The following GRIN2B variants were observed in gnomAD, a reference collection of about 807,000 sequenced individuals.
The protein encoded by GRIN2B is glutamate ionotropic receptor NMDA type subunit 2B, also known as glutamate receptor ionotropic, NMDA 2B.
Under a neutral mutation model 114.5 loss-of-function variants are expected in GRIN2B, and 5 were observed. That is an observed-to-expected ratio of 0.04 (90% confidence interval 0.02 to 0.09). GRIN2B has a LOEUF of 0.09. GRIN2B is among the 10% of genes least tolerant of loss of function. GRIN2B has a pLI of 1.00. For synonymous variants in GRIN2B, 787 were observed against 745.1 expected (o/e 1.06, Z -0.92); for missense variants, 1,108 against 1,943.5 (o/e 0.57, Z 8.08).
intron 4 of GRIN2B, among the ~76,000 whole-genome samples, chr12:13,746,654 C>A (rs1234416860): frequency 6.6e-6 from 1 of 152,170 alleles, no homozygotes; most frequent in African/African-American, 2.4e-5. Context: ...TTTGTCCCCC[C>A]CAAATCCCAT....
At chr12:13,946,183 T>C (rs1223641421) in intron 2 of GRIN2B, among the ~76,000 whole-genome samples, 1 of 152,144 alleles carries the variant, frequency 6.6e-6, no homozygotes, top group Non-Finnish European at 1.5e-5. Context: ...ACTAAAAGGA[T>C]TCTTAAAAAT....
At chr12:13,573,920 C>A (rs1948739709) in intron 10 of GRIN2B, among the ~76,000 whole-genome samples, 1 of 152,192 alleles carries the variant, frequency 6.6e-6, no homozygotes, top group Non-Finnish European at 1.5e-5. Context: ...CTACTACTTC[C>A]TGACTGAGAA....
chr12:13,746,217 T>C (rs1045059984), intron 4 of GRIN2B, among the ~76,000 whole-genome samples: 1 of 152,118 alleles, frequency 6.6e-6, no homozygotes, highest in Non-Finnish European at 1.5e-5. Context: ...ATTAGGTAAC[T>C]GCACAGCGCT....
At chr12:13,632,746 G>A (rs947427796) in intron 5 of GRIN2B, among the ~76,000 whole-genome samples, 1 of 152,198 alleles carries the variant, frequency 6.6e-6, no homozygotes, top group Non-Finnish European at 1.5e-5. Context: ...TCCACGGGGA[G>A]GGAGGGTGTG....
At chr12:13,899,150 G>A (rs1357994713) in intron 2 of GRIN2B, among the ~76,000 whole-genome samples, 1 of 152,072 alleles carries the variant, frequency 6.6e-6, no homozygotes, top group African/African-American at 2.4e-5. Context: ...AATATATTAT[G>A]AAAGATTTGA....
intron 3 of GRIN2B, among the ~76,000 whole-genome samples, chr12:13,754,436 A>T (rs1159715431): frequency 6.6e-6 from 1 of 152,208 alleles, no homozygotes; most frequent in African/African-American, 2.4e-5. Flanking sequence ...CACAGAGTGC[A>T]TAATCCAAAA....
At chr12:13,972,402 A>G (rs754314958) in intron 2 of GRIN2B, among the ~76,000 whole-genome samples, 1 of 152,186 alleles carries the variant, frequency 6.6e-6, no homozygotes, top group Non-Finnish European at 1.5e-5. Flanking sequence ...AGAATTAAAT[A>G]TAAGCTTCTG....
rs534669796 is a variant in GRIN2B, at chr12:13,578,410, C to A, written c.2011-6446G>T. On this transcript the variant is annotated intron_variant, in intron 10 of 13. Coordinates refer to ENST00000609686, the MANE Select transcript of GRIN2B (RefSeq NM_000834.5). ...GAATCGGTGCACCATGTCAGAAGTC[C>A]AAAAACCCTGAGGCCACCATGCCGG... Among the ~76,000 whole-genome samples, 11 of 152,292 alleles carry A rather than the reference C, an allele frequency of 7.2e-5. No homozygotes were observed. In the South Asian group the frequency reaches 2.3e-3, roughly 32 times the overall value.
At position 13,540,970 on chromosome 12, in the gene GRIN2B, A is replaced by G. The variant is rs1948270940; in HGVS notation, c.*21813T>C. 6.6e-6 allele frequency: 1 copy of G among 152,296 alleles called. No individual in the cohort carries two copies. Among genetic ancestry groups the G allele is most frequent in the South Asian group, 2.1e-4 (1 of 4,832 alleles). The allele number at this position is 152,296 out of a possible 1,614,324, so 9.4% of individuals were successfully genotyped here. ...CTGTGAATTTGCAACGCAACCCCATAGTGGATGCATATCATGTTTCCATCA... is the reference window on the plus strand; with the variant it reads ...CTGTGAATTTGCAACGCAACCCCATGGTGGATGCATATCATGTTTCCATCA... On this transcript the variant is annotated 3_prime_UTR_variant, in exon 14 of 14. Transcript: ENST00000609686.
intron 2 of GRIN2B, among the ~76,000 whole-genome samples, chr12:13,975,091 T>A (rs926098226): frequency 1.3e-5 from 2 of 152,064 alleles, no homozygotes; most frequent in African/African-American, 4.8e-5. Context: ...CTTTCTGATT[T>A]AAAAAACAAA....
intron 2 of GRIN2B, among the ~76,000 whole-genome samples, chr12:13,952,671 T>C (rs191772543): frequency 6.6e-6 from 1 of 152,150 alleles, no homozygotes; most frequent in Non-Finnish European, 1.5e-5. Context: ...TCTGGCCATG[T>C]ATTTAAGGTA....
At chr12:13,874,263 A>G (rs185118529) in intron 2 of GRIN2B, among the ~76,000 whole-genome samples, 4 of 152,348 alleles carry the variant, frequency 2.6e-5, no homozygotes, top group Admixed American at 1.3e-4. Flanking sequence ...CAGTGGCTCA[A>G]GCCAGGTTTT....
chr12:13,972,837 T>A (rs976318252), intron 2 of GRIN2B, among the ~76,000 whole-genome samples: 2 of 152,244 alleles, frequency 1.3e-5, no homozygotes, highest in African/African-American at 4.8e-5. Context: ...TTGCACACAT[T>A]TAATGCATTT....
chr12:13,720,894 T>A (rs1950502160), intron 4 of GRIN2B, among the ~76,000 whole-genome samples: 1 of 152,050 alleles, frequency 6.6e-6, no homozygotes, highest in African/African-American at 2.4e-5. Flanking sequence ...TATGAACAAA[T>A]TCGACACAGA....
At chr12:13,938,856 C>T (rs759513888) in intron 2 of GRIN2B, among the ~76,000 whole-genome samples, 2 of 152,150 alleles carry the variant, frequency 1.3e-5, no homozygotes, top group East Asian at 3.8e-4. Flanking sequence ...GACCTGTACA[C>T]TTAAAATACG....
intron 2 of GRIN2B, among the ~76,000 whole-genome samples, chr12:13,920,229 T>A: frequency 1.1e-5 from 1 of 88,972 alleles, no homozygotes; most frequent in East Asian, 2.5e-4. Flanking sequence ...CAAGACCCTA[T>A]CTCAAGAAAA....
At chr12:13,712,204 G>C (rs998817827) in intron 4 of GRIN2B, among the ~76,000 whole-genome samples, 5 of 116,898 alleles carry the variant, frequency 4.3e-5, no homozygotes, top group African/African-American at 1.6e-4. Flanking sequence ...ACAGGAAGGG[G>C]AACATCAAAC....
Position 13,956,047 on chromosome 12 carries a change from T to C in GRIN2B, c.-19+23881A>G, listed in dbSNP as rs183625101. On this transcript the variant is annotated intron_variant, in intron 2 of 13. Coordinates refer to ENST00000609686, the MANE Select transcript of GRIN2B (RefSeq NM_000834.5). Reference sequence around the variant, plus strand: ...ATATGGGAAGGCTTCCTAGAGGAGGTGAGGTTGCAGCGACACCTTGAAGAA... The same window carrying C: ...ATATGGGAAGGCTTCCTAGAGGAGGCGAGGTTGCAGCGACACCTTGAAGAA... Among the ~76,000 whole-genome samples, 620 of 151,710 alleles carry C rather than the reference T, an allele frequency of 4.1e-3. 10 individuals carry two copies. The highest frequency in any genetic ancestry group is 1.3e-3 in the Non-Finnish European group (88 of 67,886).
At chr12:13,582,876 C>T (rs80335299) in intron 10 of GRIN2B, among the ~76,000 whole-genome samples, 4,286 of 152,160 alleles carry the variant, frequency 0.028, 76 homozygotes, top group South Asian at 0.068. Flanking sequence ...TTCCTCGCAA[C>T]GATGGTTTTA....
Sources: gnomAD v4.1 joint callset for allele counts (sites outside exome capture counted in the v4.1 genomes callset) on GRCh38, gnomAD v4.1.1 for gene constraint, MANE v1.5 for transcripts, NCBI Gene and HGNC (gene_info 2026-07-23, HGNC 2026-07-21) for gene names.